The following MAEA variants were observed in gnomAD, a reference collection of about 807,000 sequenced individuals.
MAEA encodes E3 ubiquitin-protein transferase MAEA.
In MAEA, 22 loss-of-function variants were observed where a neutral mutation model predicts 46.2. That is an observed-to-expected ratio of 0.48 (90% CI 0.34 to 0.68). The LOEUF is 0.68. Ranked by LOEUF, MAEA falls within the 30% of genes least tolerant of loss-of-function variation. The pLI is 0.01. For synonymous variants in MAEA, 246 were observed against 222.6 expected, an observed-to-expected ratio of 1.11 and a Z score of -0.94; for missense variants, 393 against 558.1, an observed-to-expected ratio of 0.70 and a Z score of 2.98.
At chr4:1,317,716 C>G (rs547035802) in intron 3 of MAEA, among the ~76,000 whole-genome samples, 1 of 152,190 alleles carries the variant, frequency 6.6e-6, no homozygotes, top group African/African-American at 2.4e-5. Context: ...GGTTCACAAG[C>G]GTGAATGTGA....
intron 3 of MAEA, among the ~76,000 whole-genome samples, chr4:1,322,154 G>C (rs931040046): frequency 6.6e-6 from 1 of 152,196 alleles, no homozygotes; most frequent in Non-Finnish European, 1.5e-5. Context: ...GGCTATGGCT[G>C]CTGTCTACGT....
rs755340112 is a variant in MAEA at position 1,339,145 on chromosome 4, A to G, written c.1167A>G (p.Gln389=). ...CCAAAGAAGTCTTCCACTTCTCACA[A>G]GCCGAGAAGGTGTACATCATGTAGG... ...PRTKEVFHFS[Q]AEKVYIM Residue 389 remains glutamine, a synonymous_variant, in exon 9 of 9, where the codon CAA becomes CAG. Coordinates refer to ENST00000303400, the MANE Select transcript of MAEA (RefSeq NM_001017405.3). 1 of 1,613,654 alleles carries G rather than the reference A, an allele frequency of 6.2e-7. No homozygotes were observed. Among genetic ancestry groups the G allele is most frequent in the African/African-American group, 1.3e-5 (1 of 74,898 alleles).
At chr4:1,319,393 G>A (rs939462418) in intron 3 of MAEA, among the ~76,000 whole-genome samples, 1 of 152,078 alleles carries the variant, frequency 6.6e-6, no homozygotes, top group African/African-American at 2.4e-5. Flanking sequence ...GTGTGAGACA[G>A]AAAACCAGTT....
intron 1 of MAEA, chr4:1,299,883 A>G (rs1035285194): frequency 5.9e-5 from 9 of 152,252 alleles, no homozygotes; most frequent in African/African-American, 1.9e-4. Flanking sequence ...GCTGTCTCAC[A>G]TAACGGTATT....
chr4:1,310,935 G>A (rs1346752162), intron 1 of MAEA, among the ~76,000 whole-genome samples: 1 of 152,256 alleles, frequency 6.6e-6, no homozygotes, highest in Non-Finnish European at 1.5e-5. Context: ...AAGCCCAAGC[G>A]CTGAGCTGCG....
At chr4:1,328,781 G>C (rs1191858563) in intron 5 of MAEA, 1 of 1,111,304 alleles carries the variant, frequency 9.0e-7, no homozygotes. Flanking sequence ...CCGGGGTCCT[G>C]CTCCGGCTCC....
At chr4:1,294,576 T>A (rs1734436680) in intron 1 of MAEA, among the ~76,000 whole-genome samples, 1 of 151,170 alleles carries the variant, frequency 6.6e-6, no homozygotes, top group Non-Finnish European at 1.5e-5. Context: ...GCACTTAGCT[T>A]CTCCCATACC....
chr4:1,295,810 G>A (rs1420115213), intron 1 of MAEA, among the ~76,000 whole-genome samples: 9 of 31,556 alleles, frequency 2.9e-4, no homozygotes, highest in South Asian at 1.7e-3. Flanking sequence ...CAGCGCCTGT[G>A]CCCCCTCACC....
At chr4:1,322,090 T>G (rs1476193822) in intron 3 of MAEA, among the ~76,000 whole-genome samples, 1 of 152,176 alleles carries the variant, frequency 6.6e-6, no homozygotes, top group Non-Finnish European at 1.5e-5. Flanking sequence ...CCTGCATGTG[T>G]GTCTCAGCAG....
rs542684000 is a variant in MAEA at position 1,328,808 on chromosome 4, G to A, written c.656+1105G>A. 383 of 1,075,172 alleles carry A rather than the reference G, an allele frequency of 3.6e-4. 2 individuals carry two copies. The highest frequency in any genetic ancestry group is 3.1e-3 in the African/African-American group (185 of 59,614). The allele number at this position is 1,075,172 out of a possible 1,614,324, so 66.6% of individuals were successfully genotyped here. A position where few individuals can be genotyped will look rare whatever the true frequency, so the allele number is the denominator to read the frequency against. ...TCCGGCTCCTGATGCTGACCTGGGC[G>A]CATGGTGGCAGGTCAGGCCTCGTCT... On this transcript the variant is annotated intron_variant, in intron 5 of 8. Coordinates refer to ENST00000303400, the MANE Select transcript of MAEA (RefSeq NM_001017405.3).
Position 1,332,875 on chromosome 4 carries a change from G to T in MAEA, c.765+10G>T, listed in dbSNP as rs924707298. On this transcript the variant is annotated intron_variant, in intron 6 of 8. Transcript: ENST00000303400. ...CATCTCCCCGTACAAGGTAGGGCGT[G>T]CGTCCCTGGGGTCGGTGTCATGCTG... 3.1e-6 allele frequency: 5 copies of T among 1,598,276 alleles called. No homozygotes were observed. Among genetic ancestry groups the T allele is most frequent in the Non-Finnish European group, 4.3e-6 (5 of 1,168,988 alleles).
chr4:1,335,111 T>G (rs927005231), intron 6 of MAEA: 3 of 985,342 alleles, frequency 3.0e-6, no homozygotes, highest in Admixed American at 1.2e-4. Context: ...ACACACGCTC[T>G]CTCTCTTAAG....
rs546285307 is a variant in MAEA, at chr4:1,305,696, CAG to C, written c.70-6280_70-6279del. 1.8e-3 allele frequency among the ~76,000 whole-genome samples: 273 copies of C among 152,306 alleles called. 1 individual carries two copies. The highest frequency in any genetic ancestry group is 5.8e-3 in the African/African-American group (240 of 41,566). ...TGGGTGCCGGGGTTCTCCAGAGAAA[CAG>C]AGCCAGTGGCACCCACATGTGTGTG... On this transcript the variant is annotated intron_variant, in intron 1 of 8. Transcript: ENST00000303400.
intron 7 of MAEA, chr4:1,338,177 C>A: frequency 2.0e-6 from 1 of 488,788 alleles, no homozygotes; most frequent in South Asian, 3.3e-5. Context: ...CACTCTGTGC[C>A]TGTGGTCCTG....
At chr4:1,333,428 CT>C (rs1226971152) in intron 6 of MAEA, among the ~76,000 whole-genome samples, 2 of 152,200 alleles carry the variant, frequency 1.3e-5, no homozygotes, top group Non-Finnish European at 2.9e-5. Flanking sequence ...GCCTGTCCCC[CT>C]GGTTCTCCTT....
intron 1 of MAEA, among the ~76,000 whole-genome samples, chr4:1,301,413 C>T (rs767990012): frequency 1.3e-5 from 2 of 152,166 alleles, no homozygotes; most frequent in South Asian, 2.1e-4. Context: ...ATTTAACATT[C>T]GCTAAGTAGA....
At chr4:1,312,423 A>ATTTTTTTTTTTTT (rs34329974) in intron 2 of MAEA, 2 of 161,780 alleles carry the variant, frequency 1.2e-5, no homozygotes, top group African/African-American at 4.9e-5. Context: ...AGGTTGATTG[A>ATTTTTTTTTTTTT]TTTTTTTTTT....
At chr4:1,320,779 G>A (rs1737984399) in intron 3 of MAEA, among the ~76,000 whole-genome samples, 1 of 152,092 alleles carries the variant, frequency 6.6e-6, no homozygotes, top group South Asian at 2.1e-4. Context: ...ACGCTATGAA[G>A]GGGCTTCAGA....
At position 1,290,033 on chromosome 4, in the gene MAEA, G is replaced by C. The variant is rs771864045; in HGVS notation, c.69+51G>C. On this transcript the variant is annotated intron_variant, in intron 1 of 8. Transcript: ENST00000303400. ...AGGGCAGCGAAGGCGTCTCCAGCCA[G>C]TGCCCTCGGGCCGCGAGGGGCCGCC... The C allele has an allele frequency of 3.5e-6, 5 of 1,448,284 alleles. No homozygotes were observed. In the African/African-American group the frequency reaches 7.4e-5, roughly 21 times the overall value. 89.7% of individuals were successfully genotyped at this position (1,448,284 alleles called of 1,614,324 possible).
Sources: allele counts gnomAD v4.1 joint callset (sites outside exome capture counted in the v4.1 genomes callset), GRCh38; gene constraint gnomAD v4.1.1; transcripts MANE v1.5; gene names NCBI Gene and HGNC (gene_info 2026-07-23, HGNC 2026-07-21).